The following MED7 variants were observed in gnomAD, a reference collection of about 807,000 sequenced individuals.
The protein encoded by MED7 is mediator of RNA polymerase II transcription subunit 7.
Under a neutral mutation model 16.6 loss-of-function variants are expected in MED7, and 7 were observed. That is an observed-to-expected ratio of 0.42 (90% CI 0.24 to 0.79). The LOEUF is 0.79. Among genes scored for constraint, MED7 ranks in the 30% least tolerant of loss-of-function variants. The pLI is 0.27. For synonymous variants in MED7, 88 were observed against 90.5 expected (o/e 0.97, Z 0.16); for missense variants, 240 against 286.3 (o/e 0.84, Z 1.17).
At chr5:157,140,398 T>A (rs750293230) in intron 1 of MED7, among the ~76,000 whole-genome samples, 3 of 152,142 alleles carry the variant, frequency 2.0e-5, no homozygotes, top group Non-Finnish European at 4.4e-5. Flanking sequence ...CATAATAACC[T>A]CTACTTATTC....
chr5:157,138,724 C>T lies in MED7; in HGVS notation c.*6G>A, dbSNP rs1222386068. ...TCAAAAGGAAAAAAAGAAAAAGAAA[C>T]ATCTTTCATGGTCTTTCATTCATCT... is the stretch of plus-strand genomic sequence containing the variant. On this transcript the variant is annotated 3_prime_UTR_variant, in exon 2 of 2. Coordinates refer to ENST00000286317, the MANE Select transcript of MED7 (RefSeq NM_004270.5). 3 of 1,563,388 alleles carry T rather than the reference C, an allele frequency of 1.9e-6. No homozygotes were observed. Among genetic ancestry groups the T allele is most frequent in the Non-Finnish European group, 2.6e-6 (3 of 1,158,322 alleles).
In MED7 at chr5:157,138,830, T is replaced by C. The variant is rs777408040; in HGVS notation, c.602A>G (p.Asn201Ser). 1 of 1,614,194 alleles carries C rather than the reference T, an allele frequency of 6.2e-7. No homozygotes were observed. Among genetic ancestry groups the C allele is most frequent in the Non-Finnish European group, 8.5e-7 (1 of 1,180,032 alleles). ...ACCTGAATTTTCTCTTTGATGTTCA[T>C]TCTGTCCAGTACAATTGTTGCTATC... ...ADDSNNCTGQ[N>S]EHQRENSGHR... Residue 201 changes from asparagine to serine, a missense_variant, in exon 2 of 2, where the codon AAT (asparagine) becomes AGT (serine). Transcript: ENST00000286317.
intron 1 of MED7, 69 bp downstream of exon 1, chr5:157,142,751 G>A (rs567207751): frequency 9.2e-5 from 14 of 152,474 alleles, no homozygotes; most frequent in Non-Finnish European, 1.6e-4. Context: ...CCAGCACAGA[G>A]GAAGCTGCGG....
chr5:157,139,961 C>G (rs528491683), intron 1 of MED7, among the ~76,000 whole-genome samples: 93 of 152,156 alleles, frequency 6.1e-4, no homozygotes, highest in Non-Finnish European at 1.1e-3. Flanking sequence ...GATTCAGTTC[C>G]ATACCCTTTT....
rs1757667266 is a variant in MED7, at chr5:157,138,295, T to C, written c.*435A>G. 6.5e-6 allele frequency: 1 copy of C among 154,732 alleles called. No homozygotes were observed. Among genetic ancestry groups the C allele is most frequent in the Non-Finnish European group, 1.4e-5 (1 of 69,794 alleles). 9.6% of individuals were successfully genotyped at this position (154,732 alleles called of 1,614,324 possible). A position where few individuals can be genotyped will look rare whatever the true frequency, so the allele number is the denominator to read the frequency against. On this transcript the variant is annotated 3_prime_UTR_variant, in exon 2 of 2. Transcript: ENST00000286317. Reference sequence around the variant, plus strand: ...GCTCCTCTCTATCAACATGTTATGCTACTTTTTGGAGCTTAAGCAAAATTT... The same window carrying C: ...GCTCCTCTCTATCAACATGTTATGCCACTTTTTGGAGCTTAAGCAAAATTT...
intron 1 of MED7, among the ~76,000 whole-genome samples, chr5:157,140,431 T>A (rs1362235492): frequency 1.3e-5 from 2 of 152,188 alleles, no homozygotes; most frequent in Non-Finnish European, 2.9e-5. Flanking sequence ...AGGTATACCA[T>A]CCAATGAGAA....
At position 157,138,118 on chromosome 5, in the gene MED7, G is replaced by A. The variant is rs1388792073; in HGVS notation, c.*612C>T. On this transcript the variant is annotated 3_prime_UTR_variant, in exon 2 of 2. Transcript: ENST00000286317. ...TGTCTGTAACTTAAAGTGACCAAAGGACTTATTACCTGAGTGACTGGAAAA... is the reference window on the plus strand; with the variant it reads ...TGTCTGTAACTTAAAGTGACCAAAGAACTTATTACCTGAGTGACTGGAAAA... 1 of 151,928 alleles carries A rather than the reference G, an allele frequency of 6.6e-6. No homozygotes were observed. Among genetic ancestry groups the A allele is most frequent in the African/African-American group, 2.4e-5 (1 of 41,302 alleles). The allele number at this position is 151,928 out of a possible 1,614,324, so 9.4% of individuals were successfully genotyped here. A position where few individuals can be genotyped will look rare whatever the true frequency, so the allele number is the denominator to read the frequency against.
chr5:157,142,437 G>C (rs1451147178), intron 1 of MED7: 5 of 152,228 alleles, frequency 3.3e-5, no homozygotes, highest in Non-Finnish European at 7.3e-5. Context: ...AAGAAGGAAG[G>C]GCAGGGAGGG....
In MED7 at chr5:157,138,457, GT is replaced by G. The variant is rs767779387; in HGVS notation, c.*272del. 4.0e-4 allele frequency: 131 copies of G among 326,294 alleles called. No homozygotes were observed. Among genetic ancestry groups the G allele is most frequent in the Non-Finnish European group, 6.6e-4 (120 of 180,708 alleles). The allele number at this position is 326,294 out of a possible 1,614,324, so 20.2% of individuals were successfully genotyped here. On this transcript the variant is annotated 3_prime_UTR_variant, in exon 2 of 2. Transcript: ENST00000286317. ...TGCTATTATTGAGGTTATCATCAAA[GT>G]TTTACTGCAACTCTAAAACATAGGA...
In MED7 at chr5:157,138,404, T is replaced by G. The variant is rs1329472016; in HGVS notation, c.*326A>C. On this transcript the variant is annotated 3_prime_UTR_variant, in exon 2 of 2. Coordinates refer to ENST00000286317, the MANE Select transcript of MED7 (RefSeq NM_004270.5). ...TATCTATCATTCTTAAAGCAAATGC[T>G]AAATCCCCTTTTCAAAGACGAAAAC... 9.0e-6 allele frequency: 2 copies of G among 221,370 alleles called. No individual in the cohort carries two copies. The allele number at this position is 221,370 out of a possible 1,614,324, so 13.7% of individuals were successfully genotyped here.
rs1441919723 is a variant in MED7 at position 157,137,455 on chromosome 5, T to TA, written c.*1274dup. The TA allele has an allele frequency of 6.6e-6, 1 of 152,200 alleles. No homozygotes were observed. Among genetic ancestry groups the TA allele is most frequent in the Non-Finnish European group, 1.5e-5 (1 of 68,032 alleles). 9.4% of individuals were successfully genotyped at this position (152,200 alleles called of 1,614,324 possible). A position where few individuals can be genotyped will look rare whatever the true frequency, so the allele number is the denominator to read the frequency against. ...ATTTTTCTGAACCTACGGATTATAC[T>TA]AAAACTTTTATTTCTAGTAAGTCCC... On this transcript the variant is annotated 3_prime_UTR_variant, in exon 2 of 2. Coordinates refer to ENST00000286317, the MANE Select transcript of MED7 (RefSeq NM_004270.5).
Position 157,139,462 on chromosome 5 carries a change from C to G in MED7, c.-17-14G>C. 1 of 1,417,032 alleles carries G rather than the reference C, an allele frequency of 7.1e-7. No individual in the cohort carries two copies. The allele number at this position is 1,417,032 out of a possible 1,614,324, so 87.8% of individuals were successfully genotyped here. A position where few individuals can be genotyped will look rare whatever the true frequency, so the allele number is the denominator to read the frequency against. ...ACTATCAAGAACCTATGGACACAGA[C>G]CAAAGATTTATTAGAGCCACAAGAC... On this transcript the variant is annotated splice_polypyrimidine_tract_variant and intron_variant, in intron 1 of 1. Coordinates refer to ENST00000286317, the MANE Select transcript of MED7 (RefSeq NM_004270.5).
At chr5:157,141,201 C>T (rs1757717866) in intron 1 of MED7, among the ~76,000 whole-genome samples, 1 of 152,030 alleles carries the variant, frequency 6.6e-6, no homozygotes, top group Non-Finnish European at 1.5e-5. Context: ...CTGCCTCAGC[C>T]GCCTGAGTAG....
chr5:157,141,477 A>G (rs1358767402), intron 1 of MED7, among the ~76,000 whole-genome samples: 4 of 152,208 alleles, frequency 2.6e-5, no homozygotes, highest in African/African-American at 9.7e-5. Flanking sequence ...GCATTCCTGT[A>G]TTGCGGCTGC....
chr5:157,141,670 C>T (rs532656614), intron 1 of MED7, among the ~76,000 whole-genome samples: 18 of 151,828 alleles, frequency 1.2e-4, no homozygotes, highest in Non-Finnish European at 2.5e-4. Context: ...CTCACTGCAA[C>T]CTCTGCCTCC....
intron 1 of MED7, among the ~76,000 whole-genome samples, chr5:157,139,925 TA>T (rs1757698699): frequency 6.6e-6 from 1 of 152,232 alleles, no homozygotes; most frequent in Admixed American, 6.5e-5. Flanking sequence ...AACACATTAT[TA>T]TCCAAAGTTC....
intron 1 of MED7, 159 bp downstream of exon 1, chr5:157,142,644 GCTCTCGGAGAGACCGCA>G (rs1282368963): frequency 9.8e-5 from 15 of 152,286 alleles, no homozygotes; most frequent in South Asian, 4.2e-4. Context: ...AGGCCTCCGC[GCTCTCGGAGAGACCGCA>G]CTCTCGGAGA....
intron 1 of MED7, chr5:157,142,502 C>G (rs115042642): frequency 6.6e-6 from 1 of 152,282 alleles, no homozygotes; most frequent in Non-Finnish European, 1.5e-5. Flanking sequence ...CAAGGCCACA[C>G]AGCTTAGAAA....
chr5:157,140,601 A>G (rs1757708919), intron 1 of MED7, among the ~76,000 whole-genome samples: 1 of 152,256 alleles, frequency 6.6e-6, no homozygotes, highest in East Asian at 1.9e-4. Context: ...CCACTATGCC[A>G]CAGTGGTGCA....
Sources: gnomAD v4.1 joint callset for allele counts (sites outside exome capture counted in the v4.1 genomes callset) on GRCh38, gnomAD v4.1.1 for gene constraint, MANE v1.5 for transcripts, NCBI Gene and HGNC (gene_info 2026-07-23, HGNC 2026-07-21) for gene names.